The following TRIM14 variants were observed in gnomAD, a reference collection of about 807,000 sequenced individuals.
TRIM14 encodes tripartite motif containing 14, also known as tripartite motif-containing protein 14.
A neutral mutation model predicts 44.5 loss-of-function variants in TRIM14; 28 were observed. The ratio of observed to expected loss-of-function variants is 0.63; its 90% CI spans 0.47 to 0.86. The LOEUF (loss-of-function observed/expected upper bound fraction) is 0.86, where lower values mean the gene tolerates loss of function less well. Among genes scored for constraint, TRIM14 ranks in the 40% least tolerant of loss-of-function variants. The pLI is 0.00. For missense variants in TRIM14, 607 were observed against 611.1 expected (o/e 0.99, Z 0.07); for synonymous variants, 299 against 269.2 (o/e 1.11, Z -1.08).
intron 6 of TRIM14, chr9:98,078,113 G>T: frequency 6.3e-7 from 1 of 1,583,642 alleles, no homozygotes; most frequent in South Asian, 1.1e-5. Context: ...TGAATGATGA[G>T]ACCAGCAGTT....
chr9:98,103,836 CAAAAAAAAAA>C (rs60368742), intron 2 of TRIM14, among the ~76,000 whole-genome samples: 1 of 74,580 alleles, frequency 1.3e-5, no homozygotes, highest in African/African-American at 5.1e-5. Flanking sequence ...GACTCCGTCT[CAAAAAAAAAA>C]AAAAAAAAAA....
At chr9:98,049,099 T>A in the TRIM14 span, among the ~76,000 whole-genome samples, 7 of 151,596 alleles carry the variant, frequency 4.6e-5, 1 homozygote, top group East Asian at 7.8e-4. Flanking sequence ...CCTAGCACTT[T>A]GGGAGGCCAA....
intron 6 of TRIM14, chr9:98,075,972 TC>T (rs1425249086): frequency 6.6e-6 from 1 of 152,168 alleles, no homozygotes. Flanking sequence ...TTTACCAATT[TC>T]CTGAGTCTTG....
At position 98,087,367 on chromosome 9, in the gene TRIM14, C is replaced by T. The variant is rs1385978062; in HGVS notation, c.*103G>A. 3 of 1,553,322 alleles carry T rather than the reference C, an allele frequency of 1.9e-6. No individual in the cohort carries two copies. The highest frequency in any genetic ancestry group is 2.7e-6 in the Non-Finnish European group (3 of 1,125,532). ...GGAAAGCTGGGGCAGGGAGAGGGCC[C>T]TAAGAAGCAGGCAGTAAGGGGACCA... On this transcript the variant is annotated 3_prime_UTR_variant, in exon 6 of 6. Coordinates refer to ENST00000341469, the MANE Select transcript of TRIM14 (RefSeq NM_014788.4).
chr9:98,115,201 T>G (rs1008660092), intron 1 of TRIM14, among the ~76,000 whole-genome samples: 8 of 151,994 alleles, frequency 5.3e-5, no homozygotes, highest in African/African-American at 1.7e-4. Context: ...GCGATTTTCC[T>G]GCCTCAGCCT....
intron 6 of TRIM14, among the ~76,000 whole-genome samples, chr9:98,073,947 G>A (rs1230841727): frequency 5.3e-5 from 8 of 151,796 alleles, no homozygotes; most frequent in Admixed American, 2.6e-4. Flanking sequence ...CCACACACCC[G>A]GCTAATTTTT....
intron 2 of TRIM14, among the ~76,000 whole-genome samples, chr9:98,101,625 G>A (rs566804369): frequency 5.3e-5 from 8 of 152,050 alleles, no homozygotes; most frequent in African/African-American, 1.9e-4. Flanking sequence ...AGTCACTGTT[G>A]GCCAGGCTGG....
intron 4 of TRIM14, among the ~76,000 whole-genome samples, chr9:98,094,311 G>C (rs1826105190): frequency 6.6e-6 from 1 of 152,240 alleles, no homozygotes; most frequent in Non-Finnish European, 1.5e-5. Context: ...GGACCTCAGA[G>C]TTGGACCTAA....
the TRIM14 span, among the ~76,000 whole-genome samples, chr9:98,060,224 AT>A: frequency 6.6e-6 from 1 of 151,436 alleles, no homozygotes; most frequent in East Asian, 1.9e-4. Context: ...AAAAAGTCCC[AT>A]TTTTTTTTCT....
chr9:98,094,959 A>T lies in TRIM14; in HGVS notation c.608T>A (p.Leu203His), dbSNP rs1826130013. The T allele has an allele frequency of 6.2e-7, 1 of 1,613,972 alleles. No individual in the cohort carries two copies. The highest frequency in any genetic ancestry group is 8.5e-7 in the Non-Finnish European group (1 of 1,180,004). Residue 203 changes from leucine to histidine, a missense_variant, in exon 4 of 6, where the codon CTC (leucine) becomes CAC (histidine). Physicochemically the swap from Leu to His is moderately conservative, Grantham distance 99. Around this residue, in one of 3 missense-constraint regions of TRIM14, gnomAD observed 246 missense variants for 270.8 expected, o/e 0.91. Transcript: ENST00000341469. ...SLGELCHPVPLSFEPVKSFFK... is the reference protein window; with the variant it reads ...SLGELCHPVPHSFEPVKSFFK... ...GAAGCTCTTGACGGGCTCAAAGGAG[A>T]GGGGCACGGGATGGCACAGCTCCCC...
At chr9:98,062,777 G>GTTTTTT in the TRIM14 span, among the ~76,000 whole-genome samples, 1 of 109,314 alleles carries the variant, frequency 9.1e-6, no homozygotes. Flanking sequence ...AGTTATTTCA[G>GTTTTTT]TTTTTTTTTT....
chr9:98,039,002 G>T, the TRIM14 span, among the ~76,000 whole-genome samples: 1 of 151,778 alleles, frequency 6.6e-6, no homozygotes, highest in Non-Finnish European at 1.5e-5. Context: ...GTGAGCCGAG[G>T]TCGCGCCACT....
intron 2 of TRIM14, among the ~76,000 whole-genome samples, chr9:98,104,044 C>T (rs150623724): frequency 1.4e-3 from 210 of 152,192 alleles, no homozygotes; most frequent in Non-Finnish European, 2.5e-3. Context: ...CTATCCAATG[C>T]TCCAGGCAGA....
downstream of TRIM14, chr9:98,080,834 C>G (rs1245754029): frequency 6.3e-7 from 1 of 1,585,362 alleles, no homozygotes; most frequent in Admixed American, 1.8e-5. Flanking sequence ...GAAGCTCTTT[C>G]CTGACATTCC....
At chr9:98,115,239 G>C (rs1034978382) in intron 1 of TRIM14, among the ~76,000 whole-genome samples, 1 of 151,220 alleles carries the variant, frequency 6.6e-6, no homozygotes, top group African/African-American at 2.4e-5. Context: ...ACAGGTACAT[G>C]CCACCACGCT....
At chr9:98,052,246 G>A in the TRIM14 span, among the ~76,000 whole-genome samples, 1 of 151,846 alleles carries the variant, frequency 6.6e-6, no homozygotes, top group Non-Finnish European at 1.5e-5. Flanking sequence ...TTTTCCCCAG[G>A]AGTCCCAGGC....
intron 5 of TRIM14, among the ~76,000 whole-genome samples, chr9:98,089,683 C>A (rs964177197): frequency 6.6e-6 from 1 of 152,204 alleles, no homozygotes; most frequent in African/African-American, 2.4e-5. Flanking sequence ...CTCAAGACAA[C>A]GGCCACATTA....
the TRIM14 span, among the ~76,000 whole-genome samples, chr9:98,052,805 C>T: frequency 6.6e-6 from 1 of 152,154 alleles, no homozygotes; most frequent in African/African-American, 2.4e-5. Context: ...CGTGCTCAGC[C>T]CAAAATCTTT....
chr9:98,057,018 C>G, the TRIM14 span: 1 of 1,442,602 alleles, frequency 6.9e-7, no homozygotes, highest in Non-Finnish European at 9.1e-7. Flanking sequence ...CAGGGCCACA[C>G]GGCCTCCGCG....
Sources: allele counts gnomAD v4.1 joint callset (sites outside exome capture counted in the v4.1 genomes callset), GRCh38; gene constraint gnomAD v4.1.1; regional missense constraint gnomAD v4.1.1; transcripts MANE v1.5; gene names NCBI Gene and HGNC (gene_info 2026-07-23, HGNC 2026-07-21).